NAT10: variants seen among roughly 807,000 people sequenced by gnomAD.
The protein encoded by NAT10 is N-acetyltransferase 10, also known as RNA cytidine acetyltransferase.
In NAT10, 109 loss-of-function variants were observed where a neutral mutation model predicts 132.2. That is an observed-to-expected ratio of 0.82 (90% CI 0.71 to 0.97). The LOEUF is 0.97. NAT10 is among the 50% of genes least tolerant of loss of function. The pLI is 0.00. For missense variants in NAT10, 1,184 were observed against 1,263.4 expected (o/e 0.94, Z 0.95); for synonymous variants, 479 against 478.0 (o/e 1.00, Z -0.03).
intron 16 of NAT10, among the ~76,000 whole-genome samples, chr11:34,133,367 G>A (rs1054784604): frequency 6.6e-6 from 1 of 152,114 alleles, no homozygotes; most frequent in Non-Finnish European, 1.5e-5. Context: ...AGCCAGAACC[G>A]ACCGCTCTCT....
chr11:34,142,352 A>C lies in NAT10; in HGVS notation c.2885+4A>C, dbSNP rs752867782. 6.2e-7 allele frequency: 1 copy of C among 1,613,880 alleles called. No homozygotes were observed. The highest frequency in any genetic ancestry group is 1.3e-5 in the African/African-American group (1 of 75,030). ...TGAAGAGCATGGACCTCTCTGAGTA[A>C]GGCTTGTGGGAAGCAGAGGGTTTGC... On this transcript the variant is annotated splice_donor_region_variant and intron_variant, in intron 27 of 28. Transcript: ENST00000257829.
chr11:34,123,202 G>A (rs1312676005), intron 9 of NAT10, among the ~76,000 whole-genome samples: 1 of 152,192 alleles, frequency 6.6e-6, no homozygotes, highest in African/African-American at 2.4e-5. Context: ...CCTAGGTTTG[G>A]GGAGTTCCAG....
intron 16 of NAT10, 143 bp downstream of exon 16, chr11:34,133,285 G>C (rs1169214019): frequency 3.0e-6 from 2 of 659,440 alleles, no homozygotes; most frequent in Middle Eastern, 5.5e-4. Context: ...TGCTGAGACA[G>C]GTGACTAGGG....
chr11:34,138,083 G>A (rs115486208), intron 21 of NAT10, among the ~76,000 whole-genome samples: 1 of 152,206 alleles, frequency 6.6e-6, no homozygotes, highest in Admixed American at 6.5e-5. Context: ...AGGATTGTCC[G>A]ATGGGAGATT....
rs528938613 is a variant in NAT10 at position 34,135,143 on chromosome 11, C to A, written c.1912-32C>A. 1.1e-5 allele frequency: 18 copies of A among 1,568,288 alleles called. No homozygotes were observed. The South Asian group carries it at 2.0e-4, about 17-fold the overall frequency. On this transcript the variant is annotated intron_variant, in intron 18 of 28. Transcript: ENST00000257829. The stretch of plus-strand genomic sequence containing the variant: ...CTTAGACTGAGAGCAGCTCTCTTCC[C>A]TCGGCCTCTTCCCCTTCACGTTTGC...
intron 9 of NAT10, among the ~76,000 whole-genome samples, chr11:34,123,091 C>T (rs996104088): frequency 6.6e-6 from 1 of 152,210 alleles, no homozygotes; most frequent in Non-Finnish European, 1.5e-5. Flanking sequence ...CTTCCAACTT[C>T]TCGGCCATAA....
chr11:34,112,164 T>C lies in NAT10; in HGVS notation c.313T>C (p.Cys105Arg), dbSNP rs1451769812. 1 of 1,614,118 alleles carries C rather than the reference T, an allele frequency of 6.2e-7. No individual in the cohort carries two copies. Among genetic ancestry groups the C allele is most frequent in the African/African-American group, 1.3e-5 (1 of 74,938 alleles). The part of the protein sequence containing the change: ...LFIAATNIRY[C>R]YYNETHKILG... ...CATAGCAGCCACAAACATTCGCTAC[T>C]GCTACTACAACGAGACCCACAAGAT... Residue 105 changes from cysteine (C) to arginine (R), a missense_variant, in exon 4 of 29, where the codon TGC (cysteine) becomes CGC (arginine). Physicochemically the swap from Cys to Arg is radical, Grantham distance 180 (BLOSUM62 -3). Coordinates refer to ENST00000257829, the MANE Select transcript of NAT10 (RefSeq NM_024662.3).
intron 5 of NAT10, 38 bp downstream of exon 5, chr11:34,113,876 A>G: frequency 1.2e-6 from 2 of 1,608,456 alleles, no homozygotes; most frequent in Non-Finnish European, 1.7e-6. Flanking sequence ...TGAGGGTTCA[A>G]GTAAATCTGT....
At chr11:34,106,421 A>ATT (rs199999125) in intron 1 of NAT10, among the ~76,000 whole-genome samples, 2,704 of 142,278 alleles carry the variant, frequency 0.019, 62 homozygotes, top group African/African-American at 0.065. Flanking sequence ...CAGTATAGCT[A>ATT]TTTTTTTTTT....
At chr11:34,119,083 G>A (rs1363206859) in intron 8 of NAT10, among the ~76,000 whole-genome samples, 2 of 152,248 alleles carry the variant, frequency 1.3e-5, no homozygotes, top group African/African-American at 2.4e-5. Context: ...GTTCCAGTGC[G>A]AGGCCTGATG....
At chr11:34,119,346 A>G (rs143511774) in intron 8 of NAT10, among the ~76,000 whole-genome samples, 1 of 152,368 alleles carries the variant, frequency 6.6e-6, no homozygotes, top group African/African-American at 2.4e-5. Flanking sequence ...GAGGGAAGAT[A>G]GCTGCAGTGA....
chr11:34,133,963 T>C (rs1224633138), intron 16 of NAT10, among the ~76,000 whole-genome samples: 3 of 148,066 alleles, frequency 2.0e-5, no homozygotes, highest in Non-Finnish European at 3.0e-5. Flanking sequence ...CCATCCTGGC[T>C]AACACGGTGA....
Position 34,122,687 on chromosome 11 carries a change from G to A in NAT10, c.914+95G>A, listed in dbSNP as rs529192770. On this transcript the variant is annotated intron_variant, in intron 9 of 28. Transcript: ENST00000257829. Reference sequence around the variant, plus strand: ...AGAGGACTGGTATCTCACGTTCCTAGTTCTGAGTTCTGAGTGGGTTCAGTG... The same window carrying A: ...AGAGGACTGGTATCTCACGTTCCTAATTCTGAGTTCTGAGTGGGTTCAGTG... 42 of 1,453,788 alleles carry A rather than the reference G, an allele frequency of 2.9e-5. No individual in the cohort carries two copies. The African/African-American group carries it at 5.6e-4, about 19-fold the overall frequency. The allele number at this position is 1,453,788 out of a possible 1,614,324, so 90.1% of individuals were successfully genotyped here. A position where few individuals can be genotyped will look rare whatever the true frequency, so the allele number is the denominator to read the frequency against.
chr11:34,108,451 G>T, intron 2 of NAT10, 118 bp downstream of exon 2: 1 of 819,584 alleles, frequency 1.2e-6, no homozygotes, highest in South Asian at 1.6e-5. Flanking sequence ...CTGGTAAGAT[G>T]CCTAGTGGGA....
At chr11:34,117,983 T>C (rs2134160419) in intron 6 of NAT10, among the ~76,000 whole-genome samples, 197 bp from the exon 7 acceptor site, 1 of 152,266 alleles carries the variant, frequency 6.6e-6, no homozygotes, top group Admixed American at 6.5e-5. Flanking sequence ...GTTTTCTGAT[T>C]TGCTGTATAA....
Position 34,139,356 on chromosome 11 carries a change from C to T in NAT10, c.2309-29C>T, listed in dbSNP as rs761752884. On this transcript the variant is annotated intron_variant, in intron 22 of 28. Transcript: ENST00000257829. The stretch of plus-strand genomic sequence containing the variant: ...GGGGCTGCCGGGGATGCCTCCAGAC[C>T]TCTAACTCTGCGTGATGGCACCCCA... 7.4e-6 allele frequency: 12 copies of T among 1,612,514 alleles called. No homozygotes were observed. In the South Asian group the frequency reaches 8.8e-5, roughly 12 times the overall value.
intron 15 of NAT10, among the ~76,000 whole-genome samples, chr11:34,132,760 G>C (rs192630121): frequency 1.3e-5 from 2 of 152,340 alleles, no homozygotes; most frequent in African/African-American, 2.4e-5. Flanking sequence ...TGTGAAATAA[G>C]TAGTGCTAAA....
chr11:34,132,961 C>T (rs973211985), intron 15 of NAT10, 65 bp from the exon 16 acceptor site: 11 of 1,325,508 alleles, frequency 8.3e-6, no homozygotes, highest in Middle Eastern at 1.8e-4. Flanking sequence ...GGTTCTGAAT[C>T]GAACCTTTTG....
intron 5 of NAT10, among the ~76,000 whole-genome samples, chr11:34,115,088 G>A (rs964263598): frequency 2.0e-5 from 3 of 152,294 alleles, no homozygotes; most frequent in South Asian, 2.1e-4. Flanking sequence ...CTCAGGAGGC[G>A]GAGGTTGCGG....
Sources: gnomAD v4.1 joint callset for allele counts (sites outside exome capture counted in the v4.1 genomes callset) on GRCh38, gnomAD v4.1.1 for gene constraint, MANE v1.5 for transcripts, NCBI Gene and HGNC (gene_info 2026-07-23, HGNC 2026-07-21) for gene names.